Variants in REV3L observed in about 807,000 individuals in gnomAD.
The protein encoded by REV3L is REV3 like, DNA directed polymerase zeta catalytic subunit, also known as DNA polymerase zeta catalytic subunit.
In REV3L, 69 loss-of-function variants were observed where a neutral mutation model predicts 299.4. The ratio of observed to expected loss-of-function variants is 0.23; its 90% CI spans 0.19 to 0.28. The LOEUF is 0.28. REV3L is among the 10% of genes least tolerant of loss of function. REV3L has a pLI of 1.00. For missense variants in REV3L, 3,128 were observed against 3,693.8 expected (o/e 0.85, Z 3.97); for synonymous variants, 1,238 against 1,271.4 (o/e 0.97, Z 0.56).
At chr6:111,465,634 A>T (rs1035225948) in intron 1 of REV3L, among the ~76,000 whole-genome samples, 3 of 149,664 alleles carry the variant, frequency 2.0e-5, no homozygotes, top group Non-Finnish European at 3.0e-5. Context: ...TCGGGAGGCT[A>T]AGGCAGGAGA....
chr6:111,368,824 G>A (rs1779481044), intron 13 of REV3L, among the ~76,000 whole-genome samples: 2 of 152,110 alleles, frequency 1.3e-5, no homozygotes, highest in Admixed American at 1.3e-4. Flanking sequence ...TGGATATAAA[G>A]TTAATTCATA....
intron 4 of REV3L, among the ~76,000 whole-genome samples, chr6:111,401,845 T>C (rs1451596988): frequency 6.6e-6 from 1 of 152,154 alleles, no homozygotes; most frequent in Non-Finnish European, 1.5e-5. Context: ...GCATGGTGGC[T>C]CATGCCTGTA....
rs1414122485 is a variant in REV3L at position 111,422,686 on chromosome 6, A to G, written c.140-6214T>C. ...TACATATATATATATATACGTATAT[A>G]TATATATATATATATTTCCCCCCAC... On this transcript the variant is annotated intron_variant, in intron 1 of 31. Coordinates refer to ENST00000368802, the MANE Select transcript of REV3L (RefSeq NM_001372078.1). Among the ~76,000 whole-genome samples, 4 of 124,870 alleles carry G rather than the reference A, an allele frequency of 3.2e-5. 1 individual carries two copies. The highest frequency in any genetic ancestry group is 4.4e-4 in the East Asian group (2 of 4,514). 81.9% of individuals were successfully genotyped at this position (124,870 alleles called of 152,430 possible). A position where few individuals can be genotyped will look rare whatever the true frequency, so the allele number is the denominator to read the frequency against.
Position 111,338,312 on chromosome 6 carries a change from CTTTTTTTTTTTTTTTTTTTTTTTTTT to C in REV3L, c.7539-2728_7539-2703del, listed in dbSNP as rs144497761. Reference sequence around the variant, plus strand: ...TCTTTGTTTACTCCAGTCTAAAGTCCTTTTTTTTTTTTTTTTTTTTTTTTTTTTTTTTTTTTTTTTAAATAAGACTG... The same window carrying C: ...TCTTTGTTTACTCCAGTCTAAAGTCCTTTTTTTTTTTTTTAAATAAGACTG... On this transcript the variant is annotated intron_variant, in intron 21 of 31. Transcript: ENST00000368802. Among the ~76,000 whole-genome samples, 8 of 47,944 alleles carry C rather than the reference CTTTTTTTTTTTTTTTTTTTTTTTTTT, an allele frequency of 1.7e-4. No homozygotes were observed. In the East Asian group the frequency reaches 3.6e-3, roughly 22 times the overall value. 31.5% of individuals were successfully genotyped at this position (47,944 alleles called of 152,430 possible). A position where few individuals can be genotyped will look rare whatever the true frequency, so the allele number is the denominator to read the frequency against.
chr6:111,453,923 T>A (rs577642173), intron 1 of REV3L, among the ~76,000 whole-genome samples: 4 of 152,088 alleles, frequency 2.6e-5, no homozygotes, highest in Non-Finnish European at 4.4e-5. Flanking sequence ...GAAGCAGAGG[T>A]TGCAGTGTGC....
intron 10 of REV3L, among the ~76,000 whole-genome samples, chr6:111,381,119 T>C (rs1780787343): frequency 6.6e-6 from 1 of 152,244 alleles, no homozygotes; most frequent in South Asian, 2.1e-4. Flanking sequence ...AAAAAAACTA[T>C]TTTCTTTCAC....
chr6:111,321,725 A>G (rs1774212196), intron 26 of REV3L, among the ~76,000 whole-genome samples: 1 of 152,220 alleles, frequency 6.6e-6, no homozygotes, highest in Non-Finnish European at 1.5e-5. Context: ...AAGATTACTT[A>G]TAAGCTATTT....
At chr6:111,351,300 C>G (rs1295826165) in intron 19 of REV3L, among the ~76,000 whole-genome samples, 2 of 151,506 alleles carry the variant, frequency 1.3e-5, no homozygotes, top group Non-Finnish European at 2.9e-5. Flanking sequence ...CAAAGAAATG[C>G]TATGTAGCTT....
chr6:111,315,341 A>G lies in REV3L; in HGVS notation c.8392T>C (p.Phe2798Leu). 1 of 1,614,110 alleles carries G rather than the reference A, an allele frequency of 6.2e-7. No individual in the cohort carries two copies. The highest frequency in any genetic ancestry group is 8.5e-7 in the Non-Finnish European group (1 of 1,180,010). The part of the protein sequence containing the change: ...LLKGATKEQS[F>L]KIGQEIAEAV... ...TCGGCAATTTCCTGACCAATCTTAA[A>G]AGACTGCTCCTTAGTGGCTCCTTTC... Residue 2798 changes from phenylalanine to leucine, a missense_variant, in exon 27 of 32, where the codon TTT becomes CTT. Physicochemically the swap from Phe to Leu is conservative, Grantham distance 22 (BLOSUM62 0). Coordinates refer to ENST00000368802, the MANE Select transcript of REV3L (RefSeq NM_001372078.1).
intron 31 of REV3L, among the ~76,000 whole-genome samples, chr6:111,304,769 C>T (rs113040475): frequency 2.0e-5 from 3 of 151,996 alleles, no homozygotes; most frequent in East Asian, 1.9e-4. Flanking sequence ...TCCTCACCCC[C>T]CTTTTGGAAT....
intron 23 of REV3L, among the ~76,000 whole-genome samples, chr6:111,332,252 T>C (rs748292962): frequency 3.3e-5 from 5 of 152,100 alleles, no homozygotes; most frequent in Non-Finnish European, 7.4e-5. Flanking sequence ...TTTGCATTTT[T>C]AGTAGAGACA....
chr6:111,335,296 G>C (rs1775794870), intron 22 of REV3L, among the ~76,000 whole-genome samples, 173 bp downstream of exon 22: 1 of 152,108 alleles, frequency 6.6e-6, no homozygotes, highest in Non-Finnish European at 1.5e-5. Context: ...TAAAAAACTT[G>C]GCAGTGGCCG....
At chr6:111,413,433 T>C (rs1328077150) in intron 2 of REV3L, among the ~76,000 whole-genome samples, 2 of 152,272 alleles carry the variant, frequency 1.3e-5, no homozygotes, top group East Asian at 3.9e-4. Context: ...TTTTGATGGA[T>C]TGAGAATCTC....
At chr6:111,361,058 TAAAAC>T (rs1778603620) in intron 16 of REV3L, among the ~76,000 whole-genome samples, 1 of 151,978 alleles carries the variant, frequency 6.6e-6, no homozygotes, top group African/African-American at 2.4e-5. Flanking sequence ...CAAACCCAAA[TAAAAC>T]AAAACAACCA....
chr6:111,303,690 A>AAATG (rs1771910308), intron 31 of REV3L, among the ~76,000 whole-genome samples: 1 of 27,108 alleles, frequency 3.7e-5, no homozygotes, highest in Non-Finnish European at 1.2e-4. Context: ...TTTTTTTTTA[A>AAATG]CAGACTATGA....
At chr6:111,340,832 T>C (rs868803500) in intron 21 of REV3L, among the ~76,000 whole-genome samples, 1 of 152,042 alleles carries the variant, frequency 6.6e-6, no homozygotes, top group Non-Finnish European at 1.5e-5. Context: ...AATGGTCTAA[T>C]GTCTAGTCTA....
intron 5 of REV3L, 110 bp downstream of exon 5, chr6:111,392,766 A>G (rs538338037): frequency 4.5e-5 from 30 of 661,686 alleles, no homozygotes; most frequent in Non-Finnish European, 2.6e-6. Context: ...TGTATAGATT[A>G]AAAAGATCCA....
chr6:111,310,704 C>G (rs10485124), intron 29 of REV3L: 18,435 of 176,690 alleles, frequency 0.1, 1,260 homozygotes, highest in Middle Eastern at 0.19. Flanking sequence ...ATCATTAAAT[C>G]TATCATGAAA....
Position 111,326,356 on chromosome 6 carries a change from C to G in REV3L, c.8241+3176G>C, listed in dbSNP as rs569094940. Among the ~76,000 whole-genome samples the G allele has an allele frequency of 2.0e-5, 3 of 152,052 alleles. No individual in the cohort carries two copies. In the East Asian group the frequency reaches 5.8e-4, roughly 29 times the overall value. ...TAGACATTTCTCAAAAGATGACATA[C>G]AAATGACTAACATTACTAATTAGAG... is the stretch of plus-strand genomic sequence containing the variant. On this transcript the variant is annotated intron_variant, in intron 25 of 31. Transcript: ENST00000368802.
Sources: gnomAD v4.1 joint callset for allele counts (sites outside exome capture counted in the v4.1 genomes callset) on GRCh38, gnomAD v4.1.1 for gene constraint, MANE v1.5 for transcripts, NCBI Gene and HGNC (gene_info 2026-07-23, HGNC 2026-07-21) for gene names.